The following NUDT6 variants were observed in gnomAD, a reference collection of about 807,000 sequenced individuals.
The protein encoded by NUDT6 is FAD diphosphatase NUDT6.
NUDT6 carries 24 observed loss-of-function variants against 36.8 expected under a neutral mutation model. That is an observed-to-expected ratio of 0.65 (90% CI 0.47 to 0.92). The LOEUF (loss-of-function observed/expected upper bound fraction) is 0.92. Among genes scored for constraint, NUDT6 ranks in the 40% least tolerant of loss-of-function variants. The probability of loss-of-function intolerance (pLI) is 0.00; values close to 1 mark genes in which losing one functional copy is unlikely to be tolerated. For synonymous variants in NUDT6, 163 were observed against 157.0 expected (o/e 1.04, Z -0.29); for missense variants, 388 against 392.8 (o/e 0.99, Z 0.10).
chr4:122,902,923 A>G (rs569733760), intron 3 of NUDT6, among the ~76,000 whole-genome samples: 3 of 152,308 alleles, frequency 2.0e-5, no homozygotes, highest in Admixed American at 6.5e-5. Context: ...AGTGAGGTAC[A>G]TAAAGAAAGG....
chr4:122,897,569 A>C, intron 4 of NUDT6, 55 bp downstream of exon 4: 5 of 1,217,592 alleles, frequency 4.1e-6, no homozygotes, highest in Non-Finnish European at 6.1e-6. Flanking sequence ...AAGAAAGTAA[A>C]CACATTAATT....
rs1289834267 is a variant in NUDT6, at chr4:122,922,417, T to C, written c.156A>G (p.Arg52=). 2 of 1,611,400 alleles carry C rather than the reference T, an allele frequency of 1.2e-6. No individual in the cohort carries two copies. The highest frequency in any genetic ancestry group is 1.3e-5 in the African/African-American group (1 of 74,840). Residue 52 remains arginine, a synonymous_variant, in exon 1 of 5, where the codon AGA becomes AGG. Transcript: ENST00000304430. ...GACDLQGELD[R]FGGISVRLAR... ...CCAGGCGCACCGAGATGCCCCCGAATCTGTCCAGCTCGCCCTGCAGATCGC... is the reference window on the plus strand; with the variant it reads ...CCAGGCGCACCGAGATGCCCCCGAACCTGTCCAGCTCGCCCTGCAGATCGC...
intron 3 of NUDT6, chr4:122,897,901 A>G (rs768489984): frequency 3.8e-6 from 2 of 526,030 alleles, no homozygotes; most frequent in Non-Finnish European, 6.8e-6. Flanking sequence ...TCTTCAGGAA[A>G]TATAAGTGGT....
rs750388119 is a variant in NUDT6 at position 122,917,510 on chromosome 4, C to A, written c.433G>T (p.Gly145Ter). ...TGAGTTTGAAACTGACCTGCAACTC[C>A]TACTTGATGTGAAGCATATCCTGGT... ...RLPGYASHQVGVAGAVFDEST... is the reference protein window; with the variant it reads ...RLPGYASHQV The change falls in exon 2 of 5, where the codon GGA (glycine) becomes TGA (stop). Residue 145 changes from glycine (G) to a stop codon, truncating the protein, a stop_gained. Coordinates refer to ENST00000304430, the MANE Select transcript of NUDT6 (RefSeq NM_007083.5). LOFTEE classifies it high-confidence loss of function. 6.2e-7 allele frequency: 1 copy of A among 1,613,994 alleles called. No individual in the cohort carries two copies. The highest frequency in any genetic ancestry group is 8.5e-7 in the Non-Finnish European group (1 of 1,179,894).
At chr4:122,896,965 T>TTC in intron 4 of NUDT6, 1 of 152,310 alleles carries the variant, frequency 6.6e-6, no homozygotes, top group South Asian at 2.1e-4. Context: ...AAATTTGGTT[T>TTC]CTATTTTTCG....
chr4:122,918,476 G>A (rs988938850), intron 1 of NUDT6: 3 of 152,178 alleles, frequency 2.0e-5, no homozygotes, highest in Non-Finnish European at 2.9e-5. Flanking sequence ...TATGGGTGAA[G>A]AAATAAATAC....
upstream of NUDT6, chr4:122,922,723 A>G (rs1053343282): frequency 7.5e-5 from 51 of 681,608 alleles, no homozygotes; most frequent in East Asian, 1.4e-3. Flanking sequence ...GAGACCGCGA[A>G]GTGGTCCACC....
chr4:122,922,303 C>T (rs1442643825), intron 1 of NUDT6, 32 bp downstream of exon 1: 2 of 1,560,490 alleles, frequency 1.3e-6, no homozygotes, highest in African/African-American at 1.4e-5. Flanking sequence ...AGCTCTGGAG[C>T]CCCGGGAGCC....
chr4:122,897,615 G>C lies in NUDT6; in HGVS notation c.553+9C>G. The C allele has an allele frequency of 2.5e-6, 4 of 1,582,866 alleles. No individual in the cohort carries two copies. Among genetic ancestry groups the C allele is most frequent in the Non-Finnish European group, 3.5e-6 (4 of 1,151,924 alleles). Reference sequence around the variant, plus strand: ...TTTTAAGCCAATTAAAAATATAAAAGATACACACCAATATCTTCTTCAGGC... The same window carrying C: ...TTTTAAGCCAATTAAAAATATAAAACATACACACCAATATCTTCTTCAGGC... On this transcript the variant is annotated intron_variant, in intron 4 of 4. Coordinates refer to ENST00000304430, the MANE Select transcript of NUDT6 (RefSeq NM_007083.5).
chr4:122,893,544 T>G, intron 4 of NUDT6: 1 of 213,614 alleles, frequency 4.7e-6, no homozygotes, highest in Non-Finnish European at 9.1e-6. Context: ...AAATATAGAT[T>G]GAAAAGTTAA....
chr4:122,900,057 A>ACACCCCCCCC (rs376050692), intron 3 of NUDT6, among the ~76,000 whole-genome samples: 36 of 88,670 alleles, frequency 4.1e-4, no homozygotes, highest in Non-Finnish European at 5.7e-4. Flanking sequence ...CACCCCCGCC[A>ACACCCCCCCC]CCCCCCCCCC....
At chr4:122,911,538 T>C (rs1278602368) in intron 3 of NUDT6, among the ~76,000 whole-genome samples, 1 of 152,200 alleles carries the variant, frequency 6.6e-6, no homozygotes, top group Non-Finnish European at 1.5e-5. Context: ...AAAGCTTAAT[T>C]TGAATCAGAG....
chr4:122,905,616 C>T (rs1040470271), intron 3 of NUDT6, among the ~76,000 whole-genome samples: 2 of 152,166 alleles, frequency 1.3e-5, no homozygotes, highest in African/African-American at 4.8e-5. Flanking sequence ...GAGTGCTATG[C>T]CCATATTCTC....
chr4:122,917,376 C>T (rs893418319), intron 2 of NUDT6, 125 bp downstream of exon 2: 5 of 851,158 alleles, frequency 5.9e-6, no homozygotes, highest in Non-Finnish European at 9.5e-6. Flanking sequence ...TAGGGTGGAA[C>T]CACCGTAATC....
At chr4:122,904,535 T>C (rs1480376632) in intron 3 of NUDT6, among the ~76,000 whole-genome samples, 5 of 152,156 alleles carry the variant, frequency 3.3e-5, no homozygotes, top group African/African-American at 9.7e-5. Context: ...CTTGGCTCAC[T>C]GCAACCTGTC....
Position 122,912,619 on chromosome 4 carries a change from A to G in NUDT6, c.447T>C (p.Ala149=). 6.4e-7 allele frequency: 1 copy of G among 1,558,260 alleles called. No homozygotes were observed. Among genetic ancestry groups the G allele is most frequent in the Non-Finnish European group, 8.8e-7 (1 of 1,130,128 alleles). The change falls in exon 3 of 5, where the codon GCT becomes GCC. Residue 149 remains alanine (A), a synonymous_variant. Coordinates refer to ENST00000304430, the MANE Select transcript of NUDT6 (RefSeq NM_007083.5). The part of the protein sequence containing the change: ...YASHQVGVAG[A]VFDESTRKIL... ...TTTTTCTAGTACTTTCATCAAATAC[A>G]GCTCCTATTAGGGGAAAAAGAAAAG...
intron 3 of NUDT6, among the ~76,000 whole-genome samples, chr4:122,908,719 C>T (rs940268392): frequency 6.6e-6 from 1 of 152,144 alleles, no homozygotes; most frequent in African/African-American, 2.4e-5. Context: ...TCTGACTTTT[C>T]CATTAACAGA....
intron 1 of NUDT6, chr4:122,918,795 T>C (rs1727904240): frequency 6.6e-6 from 1 of 152,222 alleles, no homozygotes; most frequent in African/African-American, 2.4e-5. Context: ...CAGGTCCTTC[T>C]CACCTTGCTC....
chr4:122,915,774 T>C (rs1464898652), intron 2 of NUDT6, among the ~76,000 whole-genome samples: 3 of 152,188 alleles, frequency 2.0e-5, no homozygotes, highest in South Asian at 4.1e-4. Context: ...ATTATTTGCA[T>C]AACTTTCCAT....
Sources: allele counts gnomAD v4.1 joint callset (sites outside exome capture counted in the v4.1 genomes callset), GRCh38; gene constraint gnomAD v4.1.1; transcripts MANE v1.5; gene names NCBI Gene and HGNC (gene_info 2026-07-23, HGNC 2026-07-21).